The following CPS1 variants were observed in gnomAD, a reference collection of about 807,000 sequenced individuals.
CPS1 encodes carbamoyl-phosphate synthase 1.
A neutral mutation model predicts 174.6 loss-of-function variants in CPS1; 109 were observed. The ratio of observed to expected loss-of-function variants is 0.62; its 90% CI spans 0.53 to 0.73. The LOEUF is 0.73. CPS1 is among the 30% of genes least tolerant of loss of function. CPS1 has a pLI of 0.00. For synonymous variants in CPS1, 637 were observed against 632.0 expected, an observed-to-expected ratio of 1.01 and a Z score of -0.12; for missense variants, 1,689 against 1,821.9, an observed-to-expected ratio of 0.93 and a Z score of 1.33.
intron 1 of CPS1, among the ~76,000 whole-genome samples, chr2:210,497,199 T>C (rs1262686521): frequency 6.6e-6 from 1 of 152,146 alleles, no homozygotes; most frequent in East Asian, 1.9e-4. Context: ...ATATCTACTT[T>C]TGTTTCAAAT....
chr2:210,652,106 G>T (rs1442125875), intron 28 of CPS1, among the ~76,000 whole-genome samples: 2 of 152,098 alleles, frequency 1.3e-5, no homozygotes, highest in Non-Finnish European at 1.5e-5. Flanking sequence ...TGGGCAAATG[G>T]CTTACATTGT....
At chr2:210,479,360 C>T (rs1217686941) in intron 1 of CPS1, among the ~76,000 whole-genome samples, 4 of 146,600 alleles carry the variant, frequency 2.7e-5, no homozygotes, top group South Asian at 4.3e-4. Flanking sequence ...GACGGAGTCT[C>T]GCTCTGTTGC....
At chr2:210,629,183 T>C (rs563324393) in intron 21 of CPS1, among the ~76,000 whole-genome samples, 3 of 152,346 alleles carry the variant, frequency 2.0e-5, no homozygotes, top group African/African-American at 7.2e-5. Context: ...GGGGAAGGCA[T>C]ACATTGAATA....
At chr2:210,656,696 T>TTC in intron 30 of CPS1, 64 bp downstream of exon 30, 2 of 1,164,980 alleles carry the variant, frequency 1.7e-6, no homozygotes, top group Non-Finnish European at 2.5e-6. Flanking sequence ...ACCTAAGGTT[T>TTC]TTTTTTTTTT....
intron 1 of CPS1, among the ~76,000 whole-genome samples, chr2:210,528,161 T>C (rs1372747883): frequency 6.6e-6 from 1 of 151,848 alleles, no homozygotes; most frequent in Non-Finnish European, 1.5e-5. Context: ...GGCATATAAT[T>C]AGAACAAATG....
In CPS1 at chr2:210,658,644, G is replaced by A; in HGVS notation, c.3712G>A (p.Gly1238Ser). ...RKIAKAFAISGPFNVQFLVKG... is the reference protein window; with the variant it reads ...RKIAKAFAISSPFNVQFLVKG... ...GATTGCAAAGGCTTTTGCCATCTCT[G>A]GTCCATTCAACGTCCAATTTCTTGT... Residue 1238 changes from glycine (G) to serine (S), a missense_variant, in exon 31 of 38, where the codon GGT becomes AGT. Coordinates refer to ENST00000233072, the MANE Select transcript of CPS1 (RefSeq NM_001875.5). 1 of 1,614,040 alleles carries A rather than the reference G, an allele frequency of 6.2e-7. No individual in the cohort carries two copies. Among genetic ancestry groups the A allele is most frequent in the Admixed American group, 1.7e-5 (1 of 60,010 alleles).
intron 28 of CPS1, among the ~76,000 whole-genome samples, chr2:210,652,832 A>C (rs897021588): frequency 6.6e-6 from 1 of 152,204 alleles, no homozygotes; most frequent in African/African-American, 2.4e-5. Context: ...GAATGAAAGC[A>C]ATCACTGAGG....
chr2:210,600,488 A>T, intron 14 of CPS1, 67 bp from the exon 15 acceptor site: 1 of 1,457,546 alleles, frequency 6.9e-7, no homozygotes, highest in Non-Finnish European at 9.6e-7. Flanking sequence ...AGTTGTATTC[A>T]GTTGTCTATT....
chr2:210,618,837 A>G (rs1244761791), intron 21 of CPS1: 1 of 152,076 alleles, frequency 6.6e-6, no homozygotes, highest in Non-Finnish European at 1.5e-5. Context: ...GTACTGCTCC[A>G]ACAGTAACAA....
intron 33 of CPS1, among the ~76,000 whole-genome samples, chr2:210,666,575 A>C (rs1407286472): frequency 6.6e-6 from 1 of 152,166 alleles, no homozygotes; most frequent in Non-Finnish European, 1.5e-5. Context: ...ACCATTTATT[A>C]AATAGGGAAT....
In CPS1 at chr2:210,569,431, CA is replaced by C. The variant is rs530708373; in HGVS notation, c.127-3866del. 2.6e-3 allele frequency among the ~76,000 whole-genome samples: 400 copies of C among 152,038 alleles called. 1 individual carries two copies. Among genetic ancestry groups the C allele is most frequent in the South Asian group, 6.8e-3 (33 of 4,818 alleles). ...AAATTTTAATTTTTATTGCTTAAAA[CA>C]TCAGTGGAAAAGAAAGGGCAAATTC... On this transcript the variant is annotated intron_variant, in intron 1 of 37. Transcript: ENST00000233072.
intron 1 of CPS1, among the ~76,000 whole-genome samples, chr2:210,527,560 A>G (rs956750763): frequency 1.3e-5 from 2 of 151,926 alleles, no homozygotes; most frequent in African/African-American, 4.8e-5. Context: ...TCCAACTTTA[A>G]TGCAATTTCC....
intron 1 of CPS1, among the ~76,000 whole-genome samples, chr2:210,518,775 G>T (rs1251553265): frequency 2.0e-5 from 3 of 151,934 alleles, no homozygotes; most frequent in African/African-American, 7.2e-5. Context: ...TAAAGATTGA[G>T]AACTGACACT....
intron 1 of CPS1, among the ~76,000 whole-genome samples, chr2:210,527,584 C>T (rs1696007381): frequency 6.6e-6 from 1 of 151,864 alleles, no homozygotes; most frequent in African/African-American, 2.4e-5. Context: ...GGAAGTGTTT[C>T]CTGATATCCC....
rs776588360 is a variant in CPS1 at position 210,677,851 on chromosome 2, C to T, written c.4405-36C>T. 17 of 1,459,418 alleles carry T rather than the reference C, an allele frequency of 1.2e-5. No individual in the cohort carries two copies. In the South Asian group the frequency reaches 1.8e-4, roughly 16 times the overall value. The allele number at this position is 1,459,418 out of a possible 1,614,324, so 90.4% of individuals were successfully genotyped here. ...ATTCATTAAAAATTCACTTTTATCT[C>T]ATGGAGGGTGCTGATTCCTACCATT... is the stretch of plus-strand genomic sequence containing the variant. On this transcript the variant is annotated intron_variant, in intron 37 of 37. Transcript: ENST00000233072.
intron 1 of CPS1, among the ~76,000 whole-genome samples, chr2:210,563,615 T>G (rs1697178121): frequency 6.6e-6 from 1 of 152,164 alleles, no homozygotes; most frequent in East Asian, 1.9e-4. Flanking sequence ...AAGTAAAGGA[T>G]CGATGTCCTT....
intron 1 of CPS1, among the ~76,000 whole-genome samples, chr2:210,543,804 A>G (rs1574507420): frequency 6.6e-6 from 1 of 152,256 alleles, no homozygotes; most frequent in Non-Finnish European, 1.5e-5. Flanking sequence ...ATGTAATAAA[A>G]GATACTCAAC....
intron 1 of CPS1, among the ~76,000 whole-genome samples, chr2:210,545,921 A>G (rs543772111): frequency 1.2e-3 from 185 of 152,248 alleles, no homozygotes; most frequent in Non-Finnish European, 2.2e-3. Flanking sequence ...TGTGAAGTGC[A>G]TTAATAGGTG....
chr2:210,593,218 A>G (rs1698370081), intron 11 of CPS1: 1 of 648,842 alleles, frequency 1.5e-6, no homozygotes, highest in Non-Finnish European at 2.4e-6. Flanking sequence ...TCATTCTAAT[A>G]TATTTAGTTC....
Sources: gnomAD v4.1 joint callset for allele counts (sites outside exome capture counted in the v4.1 genomes callset) on GRCh38, gnomAD v4.1.1 for gene constraint, MANE v1.5 for transcripts, NCBI Gene and HGNC (gene_info 2026-07-23, HGNC 2026-07-21) for gene names.